The following RYR1 variants were observed in gnomAD, a reference collection of about 807,000 sequenced individuals.
The protein encoded by RYR1 is central core disease of muscle.
A neutral mutation model predicts 583.5 loss-of-function variants in RYR1; 342 were observed. The observed-to-expected ratio is 0.59, with a 90% CI of 0.54 to 0.64. The LOEUF is 0.64. Among genes scored for constraint, RYR1 ranks in the 30% least tolerant of loss-of-function variants. The probability of loss-of-function intolerance (pLI) is 0.00; values close to 1 mark genes in which losing one functional copy is unlikely to be tolerated. For missense variants in RYR1, 6,032 were observed against 6,917.2 expected (o/e 0.87, Z 4.54); for synonymous variants, 2,791 against 2,822.5 (o/e 0.99, Z 0.35).
chr19:38,458,391 C>T (rs1967540647), intron 18 of RYR1, 99 bp downstream of exon 18: 6 of 1,262,682 alleles, frequency 4.8e-6, no homozygotes, highest in Non-Finnish European at 6.9e-6. Context: ...ATCCTGACTC[C>T]CTGAAAAGGT....
At chr19:38,504,503 T>A in intron 50 of RYR1, 143 bp downstream of exon 50, 1 of 1,206,306 alleles carries the variant, frequency 8.3e-7, no homozygotes, top group Non-Finnish European at 1.2e-6. Context: ...ATCTATGGGT[T>A]GAGGCTTCGA....
At chr19:38,442,262 C>T (rs1323491939) in intron 2 of RYR1, 87 bp from the exon 3 acceptor site, 1 of 953,644 alleles carries the variant, frequency 1.0e-6, no homozygotes, top group Non-Finnish European at 1.7e-6. Context: ...GTGTGGGCAT[C>T]CAGACTAGGG....
rs75264440 is a variant in RYR1 at position 38,452,385 on chromosome 19, G to A, written c.1245-434G>A. Among the ~76,000 whole-genome samples, 229 of 152,218 alleles carry A rather than the reference G, an allele frequency of 1.5e-3. 4 individuals carry two copies. The East Asian group carries it at 0.034, about 23-fold the overall frequency. On this transcript the variant is annotated intron_variant, in intron 12 of 105. Transcript: ENST00000359596. ...GAGCCGAGGGGGCAGAGGCTGCAGTGAGCCACTATACTCCAGCTTCACTGA... is the reference window on the plus strand; with the variant it reads ...GAGCCGAGGGGGCAGAGGCTGCAGTAAGCCACTATACTCCAGCTTCACTGA...
Position 38,572,118 on chromosome 19 carries a change from G to T in RYR1, c.13846G>T (p.Ala4616Ser), listed in dbSNP as rs769031788. The change falls in exon 95 of 106, where the codon GCC (alanine) becomes TCC (serine). Residue 4616 changes from alanine (A) to serine (S), a missense_variant. Ala to Ser is a moderately conservative substitution (Grantham distance 99). Transcript: ENST00000359596. ...SGGSSGWGLG[A>S]GEEAEGDEDE... ...TGGCAGCTCTGGCTGGGGCTTGGGG[G>T]CCGGAGAGGAGGCAGAGGGCGATGA... The T allele has an allele frequency of 3.1e-6, 5 of 1,613,750 alleles. No homozygotes were observed. The highest frequency in any genetic ancestry group is 2.2e-5 in the South Asian group (2 of 91,058).
At chr19:38,586,637 G>T (rs1187017265) in intron 105 of RYR1, 61 bp downstream of exon 105, 2 of 1,477,604 alleles carry the variant, frequency 1.4e-6, no homozygotes, top group African/African-American at 2.8e-5. Context: ...CATAAGGCCA[G>T]TCAGTAGGTG....
chr19:38,499,759 C>A lies in RYR1; in HGVS notation c.7152C>A (p.Ile2384=). ...SGLLAAIEEA[I]RISEDPARDG... is the part of the protein sequence containing the mutation. ...TGCTGGCTGCCATCGAAGAGGCCAT[C>A]CGCATCTCCGAGGACCCTGCGAGGG... Residue 2384 remains isoleucine (I), a synonymous_variant, in exon 44 of 106, where the codon ATC becomes ATA. Coordinates refer to ENST00000359596, the MANE Select transcript of RYR1 (RefSeq NM_000540.3). This position sits in a 1 kb window ranked among gnomAD's most constrained non-coding sequence, Gnocchi z 7.3. 1 of 1,602,092 alleles carries A rather than the reference C, an allele frequency of 6.2e-7. No individual in the cohort carries two copies. The highest frequency in any genetic ancestry group is 8.5e-7 in the Non-Finnish European group (1 of 1,179,070).
intron 49 of RYR1, 133 bp from the exon 50 acceptor site, chr19:38,504,087 A>G (rs959387883): frequency 3.1e-6 from 3 of 961,098 alleles, no homozygotes; most frequent in African/African-American, 1.7e-5. Flanking sequence ...CCTTATTAGC[A>G]TATCATTTGC....
Position 38,523,172 on chromosome 19 carries a change from G to A in RYR1, c.10348-45G>A, listed in dbSNP as rs367846782. On this transcript the variant is annotated intron_variant, in intron 68 of 105. Coordinates refer to ENST00000359596, the MANE Select transcript of RYR1 (RefSeq NM_000540.3). ...ACCAGAGGAGCCGCAGCCCACAGGC[G>A]CCTGCCTTCACCTGTCCGGTCTGCA... The A allele has an allele frequency of 3.0e-4, 484 of 1,613,960 alleles. 1 individual carries two copies. The highest frequency in any genetic ancestry group is 4.3e-4 in the African/African-American group (32 of 74,924).
At chr19:38,535,720 C>T (rs1404865927) in intron 81 of RYR1, 13 of 591,810 alleles carry the variant, frequency 2.2e-5, no homozygotes, top group Non-Finnish European at 3.6e-5. Context: ...TGCCTTTATT[C>T]ACCTCTTGCT....
At chr19:38,519,483 C>A in intron 67 of RYR1, 29 bp downstream of exon 67, 1 of 1,573,046 alleles carries the variant, frequency 6.4e-7, no homozygotes, top group Non-Finnish European at 8.6e-7. Context: ...TCCCCATGCC[C>A]TCCGCCCCGA....
rs557572646 is a variant in RYR1, at chr19:38,464,551, G to C, written c.2787-88G>C. On this transcript the variant is annotated intron_variant, in intron 22 of 105. Transcript: ENST00000359596. ...CAGGCACTGAAGCAGCAGAGGTAGAGGGAGCTGGAGACCCTGAGGCCGTGG... is the reference window on the plus strand; with the variant it reads ...CAGGCACTGAAGCAGCAGAGGTAGACGGAGCTGGAGACCCTGAGGCCGTGG... The C allele has an allele frequency of 4.0e-5, 44 of 1,102,918 alleles. 1 individual carries two copies. The South Asian group carries it at 5.5e-4, about 14-fold the overall frequency. The allele number at this position is 1,102,918 out of a possible 1,614,324, so 68.3% of individuals were successfully genotyped here.
intron 79 of RYR1, 118 bp downstream of exon 79, chr19:38,534,937 C>A: frequency 8.4e-7 from 1 of 1,196,024 alleles, no homozygotes. Flanking sequence ...GGTTTGCACG[C>A]ACACCCCAGC....
rs1396114452 is a variant in RYR1, at chr19:38,570,687, T to C, written c.13740T>C (p.Phe4580=). The stretch of plus-strand genomic sequence containing the variant: ...TTGCCATCAACTTCATCTTGCTGTT[T>C]TATAAGGTGCTGGTCCTGAAGGGCT... ...LAFAINFILL[F]YKVSDSPPGE... The change falls in exon 94 of 106, where the codon TTT becomes TTC. Residue 4580 remains phenylalanine (F), a synonymous_variant. Transcript: ENST00000359596. 5 of 1,613,628 alleles carry C rather than the reference T, an allele frequency of 3.1e-6. No homozygotes were observed. The highest frequency in any genetic ancestry group is 4.2e-6 in the Non-Finnish European group (5 of 1,179,718).
chr19:38,577,561 C>G (rs1260688089), intron 97 of RYR1, among the ~76,000 whole-genome samples: 2 of 151,996 alleles, frequency 1.3e-5, no homozygotes, highest in African/African-American at 4.8e-5. Flanking sequence ...CTTTGGGAGG[C>G]CAAGGAGGGC....
At chr19:38,579,328 G>A (rs1376889570) in intron 99 of RYR1, among the ~76,000 whole-genome samples, 1 of 151,536 alleles carries the variant, frequency 6.6e-6, no homozygotes, top group African/African-American at 2.4e-5. Context: ...TGGAGGCTAA[G>A]GCAGGAGAAT....
chr19:38,567,311 G>A (rs939168268), intron 92 of RYR1, among the ~76,000 whole-genome samples: 17 of 151,984 alleles, frequency 1.1e-4, no homozygotes, highest in Non-Finnish European at 2.1e-4. Context: ...GGGTGACAGA[G>A]CAAGACCCTG....
intron 34 of RYR1, among the ~76,000 whole-genome samples, chr19:38,486,427 T>C (rs936720800): frequency 6.6e-6 from 1 of 152,182 alleles, no homozygotes; most frequent in African/African-American, 2.4e-5. Flanking sequence ...CACTGCAACC[T>C]CCGCCTCCCA....
chr19:38,533,617 C>A (rs997762819), intron 78 of RYR1, among the ~76,000 whole-genome samples: 72 of 151,982 alleles, frequency 4.7e-4, no homozygotes, highest in Non-Finnish European at 5.6e-4. Flanking sequence ...CATGGTGAAA[C>A]CCCATCTCTA....
chr19:38,497,362 C>T (rs1020964693), intron 42 of RYR1, among the ~76,000 whole-genome samples: 2 of 152,358 alleles, frequency 1.3e-5, no homozygotes, highest in Middle Eastern at 3.4e-3. Flanking sequence ...TTTCTTCGCT[C>T]TCCGAGCTTC....
Sources: allele counts gnomAD v4.1 joint callset (sites outside exome capture counted in the v4.1 genomes callset), GRCh38; gene constraint gnomAD v4.1.1; non-coding constraint Gnocchi (gnomAD v3.1); transcripts MANE v1.5; gene names NCBI Gene and HGNC (gene_info 2026-07-23, HGNC 2026-07-21).